The following RFC1 variants were observed in gnomAD, a reference collection of about 807,000 sequenced individuals.
The protein encoded by RFC1 is replication factor C subunit 1.
Under a neutral mutation model 137.4 loss-of-function variants are expected in RFC1, and 37 were observed. The observed-to-expected ratio is 0.27, with a 90% confidence interval of 0.21 to 0.35. RFC1 has a LOEUF of 0.35. RFC1 is among the 10% of genes least tolerant of loss of function. The pLI, the probability that RFC1 is intolerant of heterozygous loss-of-function variation, is 1.00. For missense variants in RFC1, 1,205 were observed against 1,358.5 expected (o/e 0.89, Z 1.78); for synonymous variants, 429 against 455.7 (o/e 0.94, Z 0.75).
At chr4:39,310,086 G>C in intron 12 of RFC1, among the ~76,000 whole-genome samples, 1 of 152,052 alleles carries the variant, frequency 6.6e-6, no homozygotes, top group Admixed American at 6.6e-5. Flanking sequence ...TCTATGATAG[G>C]ATGCACTGAG....
intron 10 of RFC1, among the ~76,000 whole-genome samples, chr4:39,313,449 T>C (rs949901500): frequency 3.3e-5 from 5 of 152,216 alleles, no homozygotes; most frequent in African/African-American, 9.7e-5. Context: ...TTCAAATACT[T>C]CTGATGCTTT....
intron 4 of RFC1, among the ~76,000 whole-genome samples, chr4:39,328,349 G>A (rs1485578702): frequency 6.6e-6 from 1 of 152,120 alleles, no homozygotes; most frequent in Non-Finnish European, 1.5e-5. Flanking sequence ...TGCCCTCATG[G>A]AACTTAAAGT....
chr4:39,343,302 C>A (rs1282197252), intron 3 of RFC1, among the ~76,000 whole-genome samples: 1 of 152,220 alleles, frequency 6.6e-6, no homozygotes, highest in Non-Finnish European at 1.5e-5. Flanking sequence ...GGATTACAGG[C>A]AAGAGCCACC....
intron 1 of RFC1, among the ~76,000 whole-genome samples, chr4:39,351,709 C>A (rs922129895): frequency 3.3e-5 from 5 of 152,126 alleles, no homozygotes; most frequent in African/African-American, 1.2e-4. Context: ...CGCCTGTAAT[C>A]CCTCCACTTT....
chr4:39,299,628 A>G (rs1475184459), intron 21 of RFC1, among the ~76,000 whole-genome samples: 2 of 151,204 alleles, frequency 1.3e-5, no homozygotes, highest in Non-Finnish European at 2.9e-5. Context: ...AAAAAAAAAA[A>G]AGAAAGAAAG....
intron 3 of RFC1, among the ~76,000 whole-genome samples, chr4:39,345,030 G>GT (rs1490934458): frequency 6.6e-6 from 1 of 151,814 alleles, no homozygotes; most frequent in Non-Finnish European, 1.5e-5. Flanking sequence ...TAATTTTTTT[G>GT]TTTTTTCTTG....
rs146102309 is a variant in RFC1 at position 39,300,286 on chromosome 4, G to A, written c.2664C>T (p.Tyr888=). 1.5e-4 allele frequency: 247 copies of A among 1,614,164 alleles called. No homozygotes were observed. In the African/African-American group the frequency reaches 3.0e-3, roughly 19 times the overall value. Residue 888 remains tyrosine (Y), a synonymous_variant, in exon 20 of 25, where the codon TAC becomes TAT. Coordinates refer to ENST00000349703, the MANE Select transcript of RFC1 (RefSeq NM_002913.5). ...CTGCTGCTACAGGCTTCACGTGTAT[G>A]TAATTTTCCTGGACGAAGAGGGGTG... is the stretch of plus-strand genomic sequence containing the variant. ...SIAPLFVQEN[Y]IHVKPVAAGG...
At chr4:39,288,987 T>G (rs1292196754) in intron 24 of RFC1, 143 bp from the exon 25 acceptor site, 1 of 641,572 alleles carries the variant, frequency 1.6e-6, no homozygotes, top group African/African-American at 1.9e-5. Context: ...CTTGAACTAC[T>G]GCAACCCATG....
intron 17 of RFC1, 32 bp downstream of exon 17, chr4:39,302,705 G>T: frequency 6.5e-7 from 1 of 1,548,174 alleles, no homozygotes; most frequent in Non-Finnish European, 8.7e-7. Context: ...AAATAGGCTA[G>T]TGTGATGGAA....
At chr4:39,322,062 T>C (rs914221393) in intron 7 of RFC1, among the ~76,000 whole-genome samples, 1 of 152,012 alleles carries the variant, frequency 6.6e-6, no homozygotes, top group East Asian at 1.9e-4. Context: ...ATTAACAGAA[T>C]GTGATTCATC....
At chr4:39,362,970 G>C (rs1033362015) in intron 1 of RFC1, among the ~76,000 whole-genome samples, 2 of 152,212 alleles carry the variant, frequency 1.3e-5, no homozygotes, top group Admixed American at 6.5e-5. Flanking sequence ...TCCAGGGAGA[G>C]CATTCCACAT....
At chr4:39,324,467 A>G (rs545266546) in intron 6 of RFC1, among the ~76,000 whole-genome samples, 24 of 152,224 alleles carry the variant, frequency 1.6e-4, no homozygotes, top group Non-Finnish European at 2.9e-4. Context: ...ATTACTTCCT[A>G]GTTTGACCTA....
rs374549255 is a variant in RFC1 at position 39,316,991 on chromosome 4, C to T, written c.1127G>A (p.Arg376His). 1.3e-5 allele frequency: 21 copies of T among 1,613,660 alleles called. No individual in the cohort carries two copies. The highest frequency in any genetic ancestry group is 9.3e-5 in the African/African-American group (7 of 74,898). The change falls in exon 10 of 25, where the codon CGC (arginine) becomes CAC (histidine). Residue 376 changes from arginine (R) to histidine (H), a missense_variant. Arg to His is a conservative substitution (Grantham distance 29). Coordinates refer to ENST00000349703, the MANE Select transcript of RFC1 (RefSeq NM_002913.5). ...SVSPEDSEKKRTNYQAYRSYL... is the reference protein window; with the variant it reads ...SVSPEDSEKKHTNYQAYRSYL... ...GCTTCGATAAGCTTGATAATTAGTG[C>T]GTTTCTTTTCAGAATCTTCAGGACT...
Position 39,300,446 on chromosome 4 carries a change from T to C in RFC1, c.2536-32A>G, listed in dbSNP as rs17288580. On this transcript the variant is annotated intron_variant, in intron 19 of 24. Transcript: ENST00000349703. ...AAAGAGAGGGACACACCTATTAGAATGGCCAAAATTCAAAACGGTAACATC... is the reference window on the plus strand; with the variant it reads ...AAAGAGAGGGACACACCTATTAGAACGGCCAAAATTCAAAACGGTAACATC... 105 of 1,562,744 alleles carry C rather than the reference T, an allele frequency of 6.7e-5. No individual in the cohort carries two copies. In the African/African-American group the frequency reaches 1.2e-3, roughly 18 times the overall value.
intron 10 of RFC1, 45 bp downstream of exon 10, chr4:39,316,870 C>T (rs752942039): frequency 1.1e-5 from 13 of 1,175,526 alleles, no homozygotes; most frequent in South Asian, 2.5e-5. Flanking sequence ...TGGACCCATA[C>T]GGCAGAGGCC....
chr4:39,337,435 AGTGTGTGTGTGTGTGTGT>A (rs71921435), intron 4 of RFC1, among the ~76,000 whole-genome samples: 16 of 143,698 alleles, frequency 1.1e-4, no homozygotes, highest in East Asian at 2.1e-4. Context: ...TACTCAAATA[AGTGTGTGTGTGTGTGTGT>A]GTGTGTGTGT....
At chr4:39,335,370 C>T (rs1740298189) in intron 4 of RFC1, among the ~76,000 whole-genome samples, 1 of 152,164 alleles carries the variant, frequency 6.6e-6, no homozygotes, top group South Asian at 2.1e-4. Flanking sequence ...GTAAATCAGA[C>T]ATTCTATACA....
intron 13 of RFC1, chr4:39,307,315 G>A (rs1307359634): frequency 6.5e-6 from 1 of 153,986 alleles, no homozygotes; most frequent in Non-Finnish European, 1.4e-5. Flanking sequence ...TGAGCACCTG[G>A]CACATACATC....
chr4:39,366,255 T>C lies in RFC1; in HGVS notation c.-14A>G, dbSNP rs1474326350. On this transcript the variant is annotated 5_prime_UTR_variant, in exon 1 of 25. Transcript: ENST00000349703. The stretch of plus-strand genomic sequence containing the variant: ...GCGGCTCACCATCGCAGCCCCAGGA[T>C]GAAGGCGCTGGCTGGCTGGCGGGTG... The C allele has an allele frequency of 2.4e-5, 37 of 1,541,384 alleles. No homozygotes were observed. The highest frequency in any genetic ancestry group is 3.2e-5 in the Non-Finnish European group (37 of 1,143,188).
Sources: allele counts gnomAD v4.1 joint callset (sites outside exome capture counted in the v4.1 genomes callset), GRCh38; gene constraint gnomAD v4.1.1; transcripts MANE v1.5; gene names NCBI Gene and HGNC (gene_info 2026-07-23, HGNC 2026-07-21).